The following RAD51C variants were observed in gnomAD, a reference collection of about 807,000 sequenced individuals.
The protein encoded by RAD51C is DNA repair protein RAD51 homolog 3.
A neutral mutation model predicts 45.0 loss-of-function variants in RAD51C; 42 were observed. That is an observed-to-expected ratio of 0.93 (90% CI 0.73 to 1.21). RAD51C has a LOEUF of 1.21. RAD51C is among the 50% of genes most tolerant of loss of function. RAD51C has a pLI of 0.00. For synonymous variants in RAD51C, 172 were observed against 159.8 expected (o/e 1.08, Z -0.58); for missense variants, 474 against 452.2 (o/e 1.05, Z -0.44).
intron 7 of RAD51C, among the ~76,000 whole-genome samples, chr17:58,728,904 G>A (rs1242208260): frequency 6.6e-6 from 1 of 152,094 alleles, no homozygotes; most frequent in Non-Finnish European, 1.5e-5. Flanking sequence ...CATATTCATG[G>A]TTATATGAGG....
chr17:58,715,908 C>G (rs1383195592), intron 5 of RAD51C, among the ~76,000 whole-genome samples: 1 of 152,110 alleles, frequency 6.6e-6, no homozygotes, highest in African/African-American at 2.4e-5. Context: ...AGTTCGAGAC[C>G]AGCCTGGCCA....
chr17:58,716,105 G>GAAA (rs201019624), intron 5 of RAD51C, among the ~76,000 whole-genome samples: 2 of 105,774 alleles, frequency 1.9e-5, no homozygotes, highest in African/African-American at 6.5e-5. Flanking sequence ...ACTCTGTCTC[G>GAAA]AAAAAAAAAA....
chr17:58,700,604 G>A (rs544085553), intron 3 of RAD51C, among the ~76,000 whole-genome samples: 18 of 151,960 alleles, frequency 1.2e-4, no homozygotes, highest in South Asian at 1.0e-3. Context: ...CACCACGCCT[G>A]GCTGACTTTG....
At chr17:58,702,680 G>A (rs2048249690) in intron 3 of RAD51C, among the ~76,000 whole-genome samples, 1 of 149,406 alleles carries the variant, frequency 6.7e-6, no homozygotes, top group Non-Finnish European at 1.5e-5. Context: ...GTGACAGAGT[G>A]AGACTTTATC....
intron 7 of RAD51C, among the ~76,000 whole-genome samples, chr17:58,724,807 A>C (rs1484918962): frequency 6.6e-6 from 1 of 152,176 alleles, no homozygotes; most frequent in East Asian, 1.9e-4. Flanking sequence ...TTTGTGATTA[A>C]TTGGTATAAC....
At chr17:58,711,635 A>AT (rs74638515) in intron 5 of RAD51C, among the ~76,000 whole-genome samples, 5,040 of 145,748 alleles carry the variant, frequency 0.035, 128 homozygotes, top group African/African-American at 0.077. Context: ...TAATTTTTGT[A>AT]TTTTTTTTTT....
chr17:58,704,081 T>G (rs188278722), intron 4 of RAD51C, among the ~76,000 whole-genome samples: 1 of 151,052 alleles, frequency 6.6e-6, no homozygotes, highest in Non-Finnish European at 1.5e-5. Context: ...ACATTATCAG[T>G]GACAAAGATT....
chr17:58,730,331 ATTTTT>A (rs374899142), intron 7 of RAD51C, among the ~76,000 whole-genome samples: 8 of 135,046 alleles, frequency 5.9e-5, no homozygotes, highest in Admixed American at 5.2e-4. Flanking sequence ...CGCCCAGCTA[ATTTTT>A]TTTTTTTTTT....
intron 7 of RAD51C, among the ~76,000 whole-genome samples, chr17:58,730,112 T>C (rs1358136560): frequency 3.3e-5 from 5 of 151,786 alleles, no homozygotes; most frequent in African/African-American, 1.2e-4. Context: ...AAAGATAGAT[T>C]ATCAACCCTA....
At chr17:58,715,525 C>G (rs2048704940) in intron 5 of RAD51C, among the ~76,000 whole-genome samples, 1 of 150,952 alleles carries the variant, frequency 6.6e-6, no homozygotes, top group South Asian at 2.1e-4. Flanking sequence ...CAGTCCCTCA[C>G]AACCACTAGT....
intron 3 of RAD51C, among the ~76,000 whole-genome samples, chr17:58,699,422 C>T (rs1164381997): frequency 6.6e-6 from 1 of 150,916 alleles, no homozygotes; most frequent in Non-Finnish European, 1.5e-5. Context: ...AGTATATTTC[C>T]TTTAAATGAG....
rs542415157 is a variant in RAD51C, at chr17:58,720,727, T to G, written c.838-19T>G. The G allele has an allele frequency of 6.3e-7, 1 of 1,587,902 alleles. No individual in the cohort carries two copies. Among genetic ancestry groups the G allele is most frequent in the East Asian group, 2.2e-5 (1 of 44,674 alleles). On this transcript the variant is annotated intron_variant, in intron 5 of 8. Transcript: ENST00000337432. ...TTTCAAAGAGACTCACCTAATTTTC[T>G]TACATTTTGTTTTTGTAGGTAATTT...
intron 5 of RAD51C, among the ~76,000 whole-genome samples, chr17:58,716,169 T>C (rs944347627): frequency 1.3e-5 from 2 of 152,158 alleles, no homozygotes; most frequent in Non-Finnish European, 2.9e-5. Context: ...AATTTTCAGT[T>C]GTATCATGGA....
chr17:58,697,034 T>C (rs1375262919), intron 3 of RAD51C, among the ~76,000 whole-genome samples, 175 bp downstream of exon 3: 1 of 152,232 alleles, frequency 6.6e-6, no homozygotes, highest in African/African-American at 2.4e-5. Flanking sequence ...CAGCCTGGAC[T>C]GGCTTTTTTT....
chr17:58,704,156 C>G (rs2048303751), intron 4 of RAD51C, among the ~76,000 whole-genome samples: 1 of 151,960 alleles, frequency 6.6e-6, no homozygotes, highest in African/African-American at 2.4e-5. Flanking sequence ...GCAAAGAATC[C>G]TGCTGTCAGT....
intron 3 of RAD51C, chr17:58,699,884 C>T (rs1439455378): frequency 6.6e-6 from 1 of 152,074 alleles, no homozygotes; most frequent in Non-Finnish European, 1.5e-5. Context: ...GAATCTGGCT[C>T]TACCGCCCGG....
chr17:58,730,164 CT>C (rs35483724), intron 7 of RAD51C, among the ~76,000 whole-genome samples: 288 of 121,892 alleles, frequency 2.4e-3, no homozygotes, highest in African/African-American at 6.3e-3. Context: ...CACAGCTGTT[CT>C]TTTTTTTTTT....
intron 4 of RAD51C, among the ~76,000 whole-genome samples, chr17:58,706,217 A>C (rs1297716960): frequency 6.6e-6 from 1 of 151,918 alleles, no homozygotes; most frequent in African/African-American, 2.4e-5. Flanking sequence ...TCACGAAGTC[A>C]GGAGTTTGAG....
intron 6 of RAD51C, among the ~76,000 whole-genome samples, chr17:58,721,990 TA>T (rs1161997731): frequency 6.6e-6 from 1 of 152,156 alleles, no homozygotes; most frequent in Non-Finnish European, 1.5e-5. Context: ...ATCACCCACT[TA>T]AGCAAGAGCT....
Sources: allele counts gnomAD v4.1 joint callset (sites outside exome capture counted in the v4.1 genomes callset), GRCh38; gene constraint gnomAD v4.1.1; transcripts MANE v1.5; gene names NCBI Gene and HGNC (gene_info 2026-07-23, HGNC 2026-07-21).